The following RFX7 variants were observed in gnomAD, a reference collection of about 807,000 sequenced individuals.
RFX7 encodes the protein DNA-binding protein RFX7.
A neutral mutation model predicts 111.8 loss-of-function variants in RFX7; 26 were observed. The ratio of observed to expected loss-of-function variants is 0.23; its 90% confidence interval spans 0.17 to 0.32. The LOEUF is 0.32. Among genes scored for constraint, RFX7 ranks in the 10% least tolerant of loss-of-function variants. RFX7 has a pLI of 1.00. For synonymous variants in RFX7, 624 were observed against 624.4 expected (o/e 1.00, Z 0.01); for missense variants, 1,573 against 1,772.9 (o/e 0.89, Z 2.02).
At chr15:56,230,270 T>C (rs528247009) in intron 2 of RFX7, among the ~76,000 whole-genome samples, 3 of 152,342 alleles carry the variant, frequency 2.0e-5, no homozygotes, top group South Asian at 4.1e-4. Flanking sequence ...GTGGTAGTCA[T>C]CTGCTCAGTG....
chr15:56,217,239 A>C (rs2043371815), intron 2 of RFX7, among the ~76,000 whole-genome samples: 1 of 152,206 alleles, frequency 6.6e-6, no homozygotes, highest in Admixed American at 6.5e-5. Flanking sequence ...ACTAAGAATA[A>C]GCAAAATCTC....
chr15:56,131,391 C>T (rs373070440), intron 5 of RFX7, among the ~76,000 whole-genome samples: 12 of 142,428 alleles, frequency 8.4e-5, no homozygotes, highest in African/African-American at 2.6e-4. Flanking sequence ...CTCAGACTCT[C>T]GTATAGCTAG....
At chr15:56,232,335 C>G (rs987878075) in intron 2 of RFX7, among the ~76,000 whole-genome samples, 1 of 152,094 alleles carries the variant, frequency 6.6e-6, no homozygotes, top group African/African-American at 2.4e-5. Context: ...AAGATTTCCC[C>G]TTTTAGCCAT....
chr15:56,217,479 A>G (rs1316268567), intron 2 of RFX7, among the ~76,000 whole-genome samples: 2 of 151,484 alleles, frequency 1.3e-5, no homozygotes, highest in African/African-American at 4.9e-5. Context: ...TTGTCTTGAG[A>G]ATGTCACATA....
intron 2 of RFX7, among the ~76,000 whole-genome samples, chr15:56,186,599 C>T (rs56306844): frequency 0.1 from 15,336 of 151,900 alleles, 986 homozygotes; most frequent in Middle Eastern, 0.2. Context: ...TGGGTGTATA[C>T]ATATACTATA....
intron 3 of RFX7, among the ~76,000 whole-genome samples, chr15:56,148,761 T>G (rs1462147740): frequency 6.6e-6 from 1 of 152,182 alleles, no homozygotes; most frequent in African/African-American, 2.4e-5. Context: ...CACAGTGATG[T>G]AATTCACTAC....
chr15:56,131,347 C>T (rs183936620), intron 5 of RFX7, among the ~76,000 whole-genome samples: 2,069 of 74,880 alleles, frequency 0.028, 28 homozygotes, highest in Non-Finnish European at 0.033. Flanking sequence ...GGCTTACTGC[C>T]GCCTCCACCT....
At chr15:56,098,530 G>A (rs184485214) in intron 8 of RFX7, among the ~76,000 whole-genome samples, 154 bp from the exon 9 acceptor site, 2 of 152,188 alleles carry the variant, frequency 1.3e-5, no homozygotes, top group East Asian at 1.9e-4. Flanking sequence ...ATTAGACTTC[G>A]AATTTATAAA....
intron 2 of RFX7, among the ~76,000 whole-genome samples, chr15:56,190,450 C>T (rs2043088595): frequency 6.6e-6 from 1 of 152,190 alleles, no homozygotes; most frequent in African/African-American, 2.4e-5. Flanking sequence ...AGGCCCAGCC[C>T]CTTCCCCCAA....
At chr15:56,198,287 G>GAA (rs147575832) in intron 2 of RFX7, among the ~76,000 whole-genome samples, 1 of 151,342 alleles carries the variant, frequency 6.6e-6, no homozygotes, top group African/African-American at 2.4e-5. Context: ...GTATAAAAAA[G>GAA]AAAAAAAAGA....
chr15:56,174,875 G>T (rs1015278708), intron 3 of RFX7, among the ~76,000 whole-genome samples: 1 of 151,796 alleles, frequency 6.6e-6, no homozygotes, highest in Non-Finnish European at 1.5e-5. Context: ...ACTTCATATT[G>T]TATGGTGAAT....
chr15:56,238,078 T>C (rs2043644900), intron 2 of RFX7, among the ~76,000 whole-genome samples: 2 of 152,218 alleles, frequency 1.3e-5, no homozygotes, highest in African/African-American at 4.8e-5. Context: ...TATGAATTTA[T>C]AGTACATGTT....
chr15:56,152,684 A>T (rs1444615173), intron 3 of RFX7, among the ~76,000 whole-genome samples: 1 of 152,022 alleles, frequency 6.6e-6, no homozygotes, highest in African/African-American at 2.4e-5. Flanking sequence ...CTAGCAGAAG[A>T]CATGAAATAA....
intron 2 of RFX7, among the ~76,000 whole-genome samples, chr15:56,226,313 C>T (rs1455993562): frequency 2.0e-5 from 3 of 152,008 alleles, no homozygotes; most frequent in African/African-American, 7.3e-5. Context: ...ATCATAGTGA[C>T]TATCAGGAAA....
chr15:56,218,826 C>T (rs2043395135), intron 2 of RFX7, among the ~76,000 whole-genome samples: 1 of 152,186 alleles, frequency 6.6e-6, no homozygotes, highest in Non-Finnish European at 1.5e-5. Context: ...GAAACCAGGA[C>T]TGAAATCCAT....
At chr15:56,215,468 C>T (rs1284027981) in intron 2 of RFX7, among the ~76,000 whole-genome samples, 5 of 152,214 alleles carry the variant, frequency 3.3e-5, no homozygotes, top group South Asian at 2.1e-4. Context: ...ACTTGACTTC[C>T]CTCATCTGTT....
chr15:56,110,520 CT>C (rs1362320835), intron 5 of RFX7, among the ~76,000 whole-genome samples: 1 of 67,452 alleles, frequency 1.5e-5, no homozygotes, highest in Non-Finnish European at 3.3e-5. Context: ...GCCCGGCCAG[CT>C]GCCCCGTCCG....
At chr15:56,172,867 A>C (rs1226599453) in intron 3 of RFX7, among the ~76,000 whole-genome samples, 2 of 152,184 alleles carry the variant, frequency 1.3e-5, no homozygotes, top group African/African-American at 4.8e-5. Flanking sequence ...AGACTTCTGC[A>C]TGTGGCCGCA....
chr15:56,092,868 C>G lies in RFX7; in HGVS notation c.*477G>C, dbSNP rs2041614607. On this transcript the variant is annotated 3_prime_UTR_variant, in exon 10 of 10. Coordinates refer to ENST00000559447, the MANE Select transcript of RFX7 (RefSeq NM_022841.7). ...CCCTACAGTAGCTCTATGCTTCAAG[C>G]CTAAATATTTATAATAACCTGAATA... The G allele has an allele frequency of 6.5e-6, 1 of 154,044 alleles. No individual in the cohort carries two copies. The highest frequency in any genetic ancestry group is 2.4e-5 in the African/African-American group (1 of 41,414). 9.5% of individuals were successfully genotyped at this position (154,044 alleles called of 1,614,324 possible). A position where few individuals can be genotyped will look rare whatever the true frequency, so the allele number is the denominator to read the frequency against.
Sources: allele counts gnomAD v4.1 joint callset (sites outside exome capture counted in the v4.1 genomes callset), GRCh38; gene constraint gnomAD v4.1.1; transcripts MANE v1.5; gene names NCBI Gene and HGNC (gene_info 2026-07-23, HGNC 2026-07-21).